PALD1: variants seen among roughly 807,000 people sequenced by gnomAD.
The protein encoded by PALD1 is phosphatase domain containing paladin 1, also known as paladin.
A neutral mutation model predicts 96.0 loss-of-function variants in PALD1; 57 were observed. The ratio of observed to expected loss-of-function variants is 0.59; its 90% CI spans 0.48 to 0.74. The LOEUF (loss-of-function observed/expected upper bound fraction) is 0.74, where lower values mean the gene tolerates loss of function less well. PALD1 is among the 30% of genes least tolerant of loss of function. The pLI is 0.00. For synonymous variants in PALD1, 464 were observed against 473.6 expected (o/e 0.98, Z 0.26); for missense variants, 1,063 against 1,143.7 (o/e 0.93, Z 1.02).
At chr10:70,485,662 G>A (rs965081316) in intron 1 of PALD1, 3 of 151,888 alleles carry the variant, frequency 2.0e-5, no homozygotes, top group African/African-American at 4.8e-5. Flanking sequence ...CACCCGCCCC[G>A]GCCCCCCAAA....
chr10:70,475,921 T>TAC (rs1482364298), upstream of PALD1, among the ~76,000 whole-genome samples: 8 of 152,208 alleles, frequency 5.3e-5, no homozygotes, highest in Admixed American at 2.0e-4. Context: ...GTGCTACACG[T>TAC]ACACACACAT....
In PALD1 at chr10:70,536,847, G is replaced by A. The variant is rs371638184; in HGVS notation, c.1228-964G>A. 1.1e-4 allele frequency among the ~76,000 whole-genome samples: 16 copies of A among 152,310 alleles called. No individual in the cohort carries two copies. In the East Asian group the frequency reaches 2.7e-3, roughly 26 times the overall value. ...CTTGAATCTCACTTGCCCTCCAAAA[G>A]GTACTGACCCAGCAGGAGAACCTGG... On this transcript the variant is annotated intron_variant, in intron 10 of 19. Transcript: ENST00000263563.
chr10:70,544,842 C>T (rs1040634171), intron 17 of PALD1, among the ~76,000 whole-genome samples: 2 of 152,222 alleles, frequency 1.3e-5, no homozygotes, highest in Non-Finnish European at 2.9e-5. Context: ...CCAGATCTGC[C>T]ACTAGTTCCT....
Position 70,529,885 on chromosome 10 carries a change from C to T in PALD1, c.289-4C>T, listed in dbSNP as rs1846956642. On this transcript the variant is annotated splice_region_variant and splice_polypyrimidine_tract_variant and intron_variant, in intron 3 of 19. Transcript: ENST00000263563. ...GTGACCTTCCTGTGGCTCTCCCCTG[C>T]CAGGGCCGCTACTTCCTGGTGCGGG... 1.2e-6 allele frequency: 2 copies of T among 1,613,124 alleles called. No individual in the cohort carries two copies. The highest frequency in any genetic ancestry group is 1.7e-6 in the Non-Finnish European group (2 of 1,179,550).
Position 70,566,903 on chromosome 10 carries a change from G to T in PALD1, c.*170G>T. The T allele has an allele frequency of 1.7e-6, 1 of 576,080 alleles. No individual in the cohort carries two copies. Among genetic ancestry groups the T allele is most frequent in the East Asian group, 2.9e-5 (1 of 34,610 alleles). 35.7% of individuals were successfully genotyped at this position (576,080 alleles called of 1,614,324 possible). On this transcript the variant is annotated 3_prime_UTR_variant, in exon 20 of 20. Coordinates refer to ENST00000263563, the MANE Select transcript of PALD1 (RefSeq NM_014431.3). ...CCTTTTTAGAAAGAACTTTTTATAG[G>T]ACAGGGAGACAGCACAGCCATCCCT...
At position 70,529,344 on chromosome 10, in the gene PALD1, CT is replaced by C; in HGVS notation, c.288+15del. On this transcript the variant is annotated intron_variant, in intron 3 of 19. Coordinates refer to ENST00000263563, the MANE Select transcript of PALD1 (RefSeq NM_014431.3). Reference sequence around the variant, plus strand: ...CTACCTGGTGCAAGTGAGCTCAGGCCTTACCCTGCCAGCCCGCCTGCTGCCT... The same window carrying C: ...CTACCTGGTGCAAGTGAGCTCAGGCCTACCCTGCCAGCCCGCCTGCTGCCT... The C allele has an allele frequency of 7.0e-7, 1 of 1,427,656 alleles. No homozygotes were observed. The allele number at this position is 1,427,656 out of a possible 1,614,324, so 88.4% of individuals were successfully genotyped here. A position where few individuals can be genotyped will look rare whatever the true frequency, so the allele number is the denominator to read the frequency against.
the PALD1 span, among the ~76,000 whole-genome samples, chr10:70,458,963 C>G: frequency 2.0e-5 from 3 of 152,242 alleles, no homozygotes; most frequent in African/African-American, 4.8e-5. Flanking sequence ...ACACCATCAC[C>G]GCCTTACCGC....
chr10:70,523,291 C>T (rs911126295), intron 1 of PALD1, among the ~76,000 whole-genome samples: 8 of 152,162 alleles, frequency 5.3e-5, no homozygotes, highest in Non-Finnish European at 8.8e-5. Context: ...CCTGTGGGGA[C>T]GGGCCCTGAT....
Position 70,529,823 on chromosome 10 carries a change from G to A in PALD1, c.289-66G>A. The A allele has an allele frequency of 6.2e-6, 9 of 1,453,662 alleles. No homozygotes were observed. In the South Asian group the frequency reaches 1.1e-4, roughly 18 times the overall value. The allele number at this position is 1,453,662 out of a possible 1,614,324, so 90.0% of individuals were successfully genotyped here. The stretch of plus-strand genomic sequence containing the variant: ...TCCCTGTCCCCTGGAGCCCAGGACA[G>A]AGCTCCATCTGCAGAAAATACCCCT... On this transcript the variant is annotated intron_variant, in intron 3 of 19. Coordinates refer to ENST00000263563, the MANE Select transcript of PALD1 (RefSeq NM_014431.3).
At chr10:70,564,705 G>A (rs1160445958) in intron 19 of PALD1, among the ~76,000 whole-genome samples, 186 bp downstream of exon 19, 5 of 152,220 alleles carry the variant, frequency 3.3e-5, no homozygotes, top group African/African-American at 4.8e-5. Flanking sequence ...TTTGGGTCCC[G>A]AGCAGTTTGT....
chr10:70,472,842 T>C, the PALD1 span, among the ~76,000 whole-genome samples: 1 of 152,200 alleles, frequency 6.6e-6, no homozygotes, highest in African/African-American at 2.4e-5. Context: ...GACCAAGCAT[T>C]GGAGAGGAAT....
At chr10:70,479,919 G>A (rs754470423) in intron 1 of PALD1, among the ~76,000 whole-genome samples, 2 of 152,220 alleles carry the variant, frequency 1.3e-5, no homozygotes, top group African/African-American at 4.8e-5. Context: ...CTGGGGGCAA[G>A]ACAGGACATA....
chr10:70,501,140 C>T (rs1846285875), intron 1 of PALD1, among the ~76,000 whole-genome samples: 1 of 152,200 alleles, frequency 6.6e-6, no homozygotes, highest in Non-Finnish European at 1.5e-5. Context: ...GCTCCTTTTA[C>T]TCCTGGGGAT....
At chr10:70,561,997 G>A (rs185602296) in intron 18 of PALD1, among the ~76,000 whole-genome samples, 2 of 152,364 alleles carry the variant, frequency 1.3e-5, no homozygotes, top group Non-Finnish European at 2.9e-5. Flanking sequence ...TCCCCAGTAT[G>A]TGGCTTGGGT....
intron 1 of PALD1, among the ~76,000 whole-genome samples, chr10:70,518,172 G>C (rs1846655244): frequency 6.6e-6 from 1 of 152,194 alleles, no homozygotes; most frequent in African/African-American, 2.4e-5. Context: ...AAAGTGCTGG[G>C]ATTACAGGCG....
intron 11 of PALD1, 39 bp downstream of exon 11, chr10:70,537,945 T>C (rs774736661): frequency 1.4e-6 from 2 of 1,379,404 alleles, no homozygotes; most frequent in South Asian, 2.3e-5. Context: ...CCCCTCCTCC[T>C]GGGCCTCTCC....
chr10:70,514,751 G>A lies in PALD1; in HGVS notation c.-29-11172G>A, dbSNP rs1846586846. Among the ~76,000 whole-genome samples the A allele has an allele frequency of 2.0e-5, 3 of 152,190 alleles. No homozygotes were observed. In the South Asian group the frequency reaches 6.2e-4, roughly 32 times the overall value. On this transcript the variant is annotated intron_variant, in intron 1 of 19. Transcript: ENST00000263563. ...AGTGGAATTATTGTCAGGGGAACAC[G>A]CGCTGCAGTGGGCAGAGTGCGCCTG...
chr10:70,524,097 G>A (rs966482676), intron 1 of PALD1, among the ~76,000 whole-genome samples: 1 of 152,220 alleles, frequency 6.6e-6, no homozygotes, highest in Non-Finnish European at 1.5e-5. Context: ...GGATGGTTGG[G>A]AGCAGACAGT....
Position 70,550,240 on chromosome 10 carries a change from G to A in PALD1, c.2262+2794G>A, listed in dbSNP as rs543701240. ...GGTAGGGGTGTCTTGGCCAGGGCAC[G>A]GGTCTTGTTTTTGAAGTCTCCCAGG... is the stretch of plus-strand genomic sequence containing the variant. On this transcript the variant is annotated intron_variant, in intron 18 of 19. Transcript: ENST00000263563. Among the ~76,000 whole-genome samples the A allele has an allele frequency of 9.2e-5, 14 of 152,282 alleles. 1 individual carries two copies. In the South Asian group the frequency reaches 2.3e-3, roughly 25 times the overall value.
Sources: allele counts gnomAD v4.1 joint callset (sites outside exome capture counted in the v4.1 genomes callset), GRCh38; gene constraint gnomAD v4.1.1; transcripts MANE v1.5; gene names NCBI Gene and HGNC (gene_info 2026-07-23, HGNC 2026-07-21).